Variants in PRRC2A observed in about 807,000 individuals in gnomAD.
PRRC2A encodes the protein protein PRRC2A.
In PRRC2A, 59 loss-of-function variants were observed where a neutral mutation model predicts 224.6. The observed-to-expected ratio is 0.26, with a 90% CI of 0.21 to 0.33. The LOEUF (loss-of-function observed/expected upper bound fraction) is 0.33, where lower values mean the gene tolerates loss of function less well. Ranked by LOEUF, PRRC2A falls within the 10% of genes least tolerant of loss-of-function variation. PRRC2A has a pLI of 1.00. For missense variants in PRRC2A, 3,095 were observed against 2,880.7 expected (o/e 1.07, Z -1.70); for synonymous variants, 1,194 against 1,109.5 (o/e 1.08, Z -1.51).
intron 20 of PRRC2A, 77 bp downstream of exon 20, chr6:31,634,634 G>C: frequency 6.3e-7 from 1 of 1,583,826 alleles, no homozygotes; most frequent in Non-Finnish European, 8.7e-7. Context: ...GCTCTGGGTT[G>C]AGTCTGGAGC....
Position 31,631,546 on chromosome 6 carries a change from C to G in PRRC2A, c.2873C>G (p.Pro958Arg). Residue 958 changes from proline to arginine, a missense_variant, in exon 16 of 31, where the codon CCT (proline) becomes CGT (arginine). Coordinates refer to ENST00000376033, the MANE Select transcript of PRRC2A (RefSeq NM_004638.4). This position sits in a 1 kb window ranked among gnomAD's most constrained non-coding sequence, Gnocchi z 4.5. ...GGGCCTATAAAGAAACCTCCACCAC[C>G]TACAAAAGTAGAAGAGCTGCCTCCC... ...RAGPIKKPPPPTKVEELPPKP... is the reference protein window; with the variant it reads ...RAGPIKKPPPRTKVEELPPKP... 1 of 1,594,400 alleles carries G rather than the reference C, an allele frequency of 6.3e-7. No homozygotes were observed. Among genetic ancestry groups the G allele is most frequent in the Non-Finnish European group, 8.5e-7 (1 of 1,173,708 alleles).
intron 9 of PRRC2A, 58 bp from the exon 10 acceptor site, chr6:31,626,714 A>C (rs878968887): frequency 6.9e-7 from 1 of 1,450,068 alleles, no homozygotes; most frequent in African/African-American, 1.4e-5. Context: ...GTTCCAGACT[A>C]CCTCCCAAGA....
chr6:31,624,863 A>T, intron 5 of PRRC2A: 2 of 512,042 alleles, frequency 3.9e-6, no homozygotes, highest in Non-Finnish European at 7.0e-6. Context: ...CAGTGGCGCA[A>T]TCTCGGCTCA....
chr6:31,637,439 C>G lies in PRRC2A; in HGVS notation c.6334-7C>G. 1.3e-6 allele frequency: 2 copies of G among 1,584,898 alleles called. No individual in the cohort carries two copies. The highest frequency in any genetic ancestry group is 8.6e-7 in the Non-Finnish European group (1 of 1,162,986). On this transcript the variant is annotated splice_polypyrimidine_tract_variant and splice_region_variant and intron_variant, in intron 30 of 30. Coordinates refer to ENST00000376033, the MANE Select transcript of PRRC2A (RefSeq NM_004638.4). The stretch of plus-strand genomic sequence containing the variant: ...GACTCACTGTTTAACACATGCCTGT[C>G]CCCTAGGCCTCCCCACCAGATGCCC...
At position 31,636,661 on chromosome 6, in the gene PRRC2A, G is replaced by C; in HGVS notation, c.5934+53G>C. ...CATTTGATTTCTCTGTCCAGTTGCT[G>C]GCTTTGATTTTCCCTGGTTTTCTGA... is the stretch of plus-strand genomic sequence containing the variant. On this transcript the variant is annotated intron_variant, in intron 27 of 30. Transcript: ENST00000376033. This position sits in a 1 kb window ranked among gnomAD's most constrained non-coding sequence, Gnocchi z 4.3. 6.3e-7 allele frequency: 1 copy of C among 1,593,048 alleles called. No homozygotes were observed. The highest frequency in any genetic ancestry group is 1.1e-5 in the South Asian group (1 of 89,636).
In PRRC2A at chr6:31,634,496, C is replaced by T; in HGVS notation, c.4874C>T (p.Pro1625Leu). Residue 1625 changes from proline to leucine, a missense_variant, in exon 20 of 31, where the codon CCC becomes CTC. Pro to Leu is a moderately conservative substitution (Grantham distance 98, BLOSUM62 -3). This residue lies in a region of PRRC2A where 2,001 missense variants were observed against 1,764.9 expected (regional missense o/e 1.13). Coordinates refer to ENST00000376033, the MANE Select transcript of PRRC2A (RefSeq NM_004638.4). ...GCCACTAGCCGAAAGAGTTACCGGC[C>T]CAGCTCCATGGAGCCTTGGATGGAG... is the stretch of plus-strand genomic sequence containing the variant. The part of the protein sequence containing the change: ...HTATSRKSYR[P>L]SSMEPWMEPL... 6.2e-7 allele frequency: 1 copy of T among 1,612,954 alleles called. No homozygotes were observed. Among genetic ancestry groups the T allele is most frequent in the South Asian group, 1.1e-5 (1 of 91,078 alleles).
In PRRC2A at chr6:31,637,039, C is replaced by T. The variant is rs1390149263; in HGVS notation, c.6148-3C>T. ...AGGCAGCTCATGATTTTTTTCCCCT[C>T]AGCTGCATCCAGTGGAACTAAAGCC... On this transcript the variant is annotated splice_region_variant and splice_polypyrimidine_tract_variant and intron_variant, in intron 28 of 30. Coordinates refer to ENST00000376033, the MANE Select transcript of PRRC2A (RefSeq NM_004638.4). 1 of 1,598,142 alleles carries T rather than the reference C, an allele frequency of 6.3e-7. No individual in the cohort carries two copies. The highest frequency in any genetic ancestry group is 1.1e-5 in the South Asian group (1 of 89,092).
At position 31,632,816 on chromosome 6, in the gene PRRC2A, T is replaced by G. The variant is rs763796124; in HGVS notation, c.4143T>G (p.Ser1381Arg). 1.9e-6 allele frequency: 3 copies of G among 1,612,764 alleles called. No homozygotes were observed. The highest frequency in any genetic ancestry group is 2.2e-5 in the South Asian group (2 of 91,064). The change falls in exon 16 of 31, where the codon AGT becomes AGG. Residue 1381 changes from serine (S) to arginine (R), a missense_variant. By Grantham distance (110) the Ser-to-Arg change is moderately radical. This residue lies in a region of PRRC2A where 2,001 missense variants were observed against 1,764.9 expected (regional missense o/e 1.13). Coordinates refer to ENST00000376033, the MANE Select transcript of PRRC2A (RefSeq NM_004638.4). ...GDLSQRAKDL[S>R]KRSFSSQRPG... ...TGAGCCAGAGAGCCAAGGATTTGAG[T>G]AAACGGAGCTTCTCAAGTCAGCGGC...
rs370843077 is a variant in PRRC2A, at chr6:31,635,758, C to T, written c.5541+9C>T. On this transcript the variant is annotated intron_variant, in intron 24 of 30. Transcript: ENST00000376033. ...GGCCTTCCAGTTCTCAGGTAGGCCCCGCTTCCCATTGCATGACCCCTTCAG... is the reference window on the plus strand; with the variant it reads ...GGCCTTCCAGTTCTCAGGTAGGCCCTGCTTCCCATTGCATGACCCCTTCAG... The T allele has an allele frequency of 7.0e-6, 11 of 1,570,876 alleles. No homozygotes were observed. The highest frequency in any genetic ancestry group is 5.5e-5 in the African/African-American group (4 of 72,714).
rs1776021975 is a variant in PRRC2A at position 31,627,280 on chromosome 6, G to C, written c.1290+82G>C. 3.9e-6 allele frequency: 4 copies of C among 1,025,998 alleles called. No individual in the cohort carries two copies. Among genetic ancestry groups the C allele is most frequent in the Non-Finnish European group, 5.7e-6 (4 of 696,142 alleles). 63.6% of individuals were successfully genotyped at this position (1,025,998 alleles called of 1,614,324 possible). The stretch of plus-strand genomic sequence containing the variant: ...GAGTAATTGAAGCGGTTGTGATATA[G>C]AGGAAGGGGGGTGCTAAAAATGGGC... On this transcript the variant is annotated intron_variant, in intron 11 of 30. Coordinates refer to ENST00000376033, the MANE Select transcript of PRRC2A (RefSeq NM_004638.4). This position sits in a 1 kb window ranked among gnomAD's most constrained non-coding sequence, Gnocchi z 5.6.
rs762358430 is a variant in PRRC2A at position 31,633,531 on chromosome 6, C to A, written c.4472C>A (p.Thr1491Asn). The change falls in exon 17 of 31, where the codon ACT becomes AAT. Residue 1491 changes from threonine to asparagine, a missense_variant. Physicochemically the swap from Thr to Asn is moderately conservative, Grantham distance 65. Coordinates refer to ENST00000376033, the MANE Select transcript of PRRC2A (RefSeq NM_004638.4). The part of the protein sequence containing the change: ...AQLSSRQGSV[T>N]APGGHPRHKP... ...CTTAGTAGCCGTCAAGGGAGTGTAACTGCACCAGGGGGTCATCCAAGGCAC... is the reference window on the plus strand; with the variant it reads ...CTTAGTAGCCGTCAAGGGAGTGTAAATGCACCAGGGGGTCATCCAAGGCAC... 3.7e-5 allele frequency: 59 copies of A among 1,613,022 alleles called. No individual in the cohort carries two copies. The South Asian group carries it at 4.7e-4, about 13-fold the overall frequency.
Position 31,634,361 on chromosome 6 carries a change from T to C in PRRC2A, c.4845T>C (p.His1615=). The change falls in exon 19 of 31, where the codon CAT becomes CAC. Residue 1615 remains histidine (H), a synonymous_variant. Coordinates refer to ENST00000376033, the MANE Select transcript of PRRC2A (RefSeq NM_004638.4). ...CCCCTCACATCTGGAACCGTTTACATACTGGTGAGTAAAGCTGAGTGAAAG... is the reference window on the plus strand; with the variant it reads ...CCCCTCACATCTGGAACCGTTTACACACTGGTGAGTAAAGCTGAGTGAAAG... The part of the protein sequence containing the change: ...ALTPHIWNRL[H]TATSRKSYRP... The C allele has an allele frequency of 1.2e-6, 2 of 1,612,856 alleles. No homozygotes were observed. Among genetic ancestry groups the C allele is most frequent in the Non-Finnish European group, 1.7e-6 (2 of 1,179,922 alleles).
Position 31,625,092 on chromosome 6 carries a change from C to G in PRRC2A, c.464-79C>G. The G allele has an allele frequency of 6.6e-7, 1 of 1,520,960 alleles. No individual in the cohort carries two copies. The highest frequency in any genetic ancestry group is 8.9e-7 in the Non-Finnish European group (1 of 1,118,030). The allele number at this position is 1,520,960 out of a possible 1,614,324, so 94.2% of individuals were successfully genotyped here. On this transcript the variant is annotated intron_variant, in intron 5 of 30. Coordinates refer to ENST00000376033, the MANE Select transcript of PRRC2A (RefSeq NM_004638.4). This position sits in a 1 kb window ranked among gnomAD's most constrained non-coding sequence, Gnocchi z 4.1. Reference sequence around the variant, plus strand: ...GGATTACAGGCGTGAGCCACCGCGCCCAGCCAGAGTCTTCCACTTTTATAG... The same window carrying G: ...GGATTACAGGCGTGAGCCACCGCGCGCAGCCAGAGTCTTCCACTTTTATAG...
chr6:31,626,282 A>C, intron 9 of PRRC2A, 120 bp downstream of exon 9: 1 of 1,216,560 alleles, frequency 8.2e-7, no homozygotes, highest in African/African-American at 1.5e-5. Flanking sequence ...ACCAGGCCCA[A>C]TGGCTCACAT....
At chr6:31,623,188 C>T (rs1775497401) in intron 2 of PRRC2A, 1 of 688,650 alleles carries the variant, frequency 1.5e-6, no homozygotes, top group African/African-American at 1.8e-5. Context: ...CTTGCAGGCT[C>T]ATGATCAACC....
rs761045867 is a variant in PRRC2A at position 31,636,258 on chromosome 6, C to T, written c.5674C>T (p.Leu1892Phe). ...PPGPAPPSAL[L>F]SGLALKGQFL... Reference sequence around the variant, plus strand: ...CGGCCCAGCCCCTCCCTCAGCACTGCTCTCTGGGTTAGCTCTCAAGGGCCA... The same window carrying T: ...CGGCCCAGCCCCTCCCTCAGCACTGTTCTCTGGGTTAGCTCTCAAGGGCCA... The change falls in exon 26 of 31, where the codon CTC (leucine) becomes TTC (phenylalanine). Residue 1892 changes from leucine (L) to phenylalanine (F), a missense_variant. Physicochemically the swap from Leu to Phe is conservative, Grantham distance 22. Around this residue, in one of 8 missense-constraint regions of PRRC2A, gnomAD observed 662 missense variants for 609.5 expected, o/e 1.09. Transcript: ENST00000376033. The surrounding 1 kb of genome is among the most constrained non-coding windows in gnomAD (Gnocchi z 4.3). 1.9e-6 allele frequency: 3 copies of T among 1,613,004 alleles called. No homozygotes were observed. The highest frequency in any genetic ancestry group is 3.3e-5 in the Admixed American group (2 of 60,022).
At chr6:31,622,959 C>T (rs553391945) in intron 2 of PRRC2A, 58 bp downstream of exon 2, 50 of 1,361,758 alleles carry the variant, frequency 3.7e-5, no homozygotes, top group Middle Eastern at 1.8e-4. Context: ...ATGGGGCATA[C>T]GTTTTAGAGC....
chr6:31,635,554 C>T, intron 23 of PRRC2A, 28 bp from the exon 24 acceptor site: 1 of 1,611,116 alleles, frequency 6.2e-7, no homozygotes, highest in Non-Finnish European at 8.5e-7. Flanking sequence ...TGCCAGACAT[C>T]CCTCTCCACG....
chr6:31,626,985 G>C lies in PRRC2A; in HGVS notation c.1077G>C (p.Arg359Ser). 6.2e-7 allele frequency: 1 copy of C among 1,614,150 alleles called. No homozygotes were observed. Residue 359 changes from arginine (R) to serine (S), a missense_variant, in exon 11 of 31, where the codon AGG (arginine) becomes AGC (serine). Physicochemically the swap from Arg to Ser is moderately radical, Grantham distance 110. Transcript: ENST00000376033. Reference protein sequence around the residue: ...DSDEEGAEGHRDSQSASGEER... With the variant: ...DSDEEGAEGHSDSQSASGEER... ...TTCACTGTTGATCTGCTCACAGCAG[G>C]GATTCCCAATCAGCTTCTGGTGAGG...
Sources: allele counts gnomAD v4.1 joint callset, GRCh38; gene constraint gnomAD v4.1.1; regional missense constraint gnomAD v4.1.1; non-coding constraint Gnocchi (gnomAD v3.1); transcripts MANE v1.5; gene names NCBI Gene and HGNC (gene_info 2026-07-23, HGNC 2026-07-21).